PHF21A: variants seen among roughly 807,000 people sequenced by gnomAD.
PHF21A encodes the protein PHD finger protein 21A.
Under a neutral mutation model 82.5 loss-of-function variants are expected in PHF21A, and 11 were observed. The ratio of observed to expected loss-of-function variants is 0.13; its 90% CI spans 0.08 to 0.22. The LOEUF (loss-of-function observed/expected upper bound fraction) is 0.22, where lower values mean the gene tolerates loss of function less well. Ranked by LOEUF, PHF21A falls within the 10% of genes least tolerant of loss-of-function variation. The pLI is 1.00. For synonymous variants in PHF21A, 297 were observed against 302.8 expected (o/e 0.98, Z 0.20); for missense variants, 579 against 837.8 (o/e 0.69, Z 3.81).
At chr11:45,967,224 C>T (rs2093490406) in intron 9 of PHF21A, among the ~76,000 whole-genome samples, 1 of 152,094 alleles carries the variant, frequency 6.6e-6, no homozygotes, top group Non-Finnish European at 1.5e-5. Context: ...GAACATTAGC[C>T]AGGCATGGTG....
At chr11:45,963,162 G>C (rs2093214593) in intron 10 of PHF21A, among the ~76,000 whole-genome samples, 1 of 152,038 alleles carries the variant, frequency 6.6e-6, no homozygotes, top group African/African-American at 2.4e-5. Context: ...GCTCACACCT[G>C]TAATCCCACC....
intron 1 of PHF21A, among the ~76,000 whole-genome samples, chr11:46,112,397 C>A (rs147414161): frequency 6.6e-6 from 1 of 152,154 alleles, no homozygotes; most frequent in Non-Finnish European, 1.5e-5. Flanking sequence ...GTTTACTGAG[C>A]CCTTATTATG....
intron 7 of PHF21A, among the ~76,000 whole-genome samples, chr11:45,975,052 G>A (rs1451092315): frequency 6.6e-6 from 1 of 152,126 alleles, no homozygotes; most frequent in African/African-American, 2.4e-5. Flanking sequence ...AGTGGGTCAT[G>A]CCTATAATCC....
chr11:46,059,891 TGA>T (rs2096511718), intron 6 of PHF21A, among the ~76,000 whole-genome samples: 1 of 151,994 alleles, frequency 6.6e-6, no homozygotes, highest in African/African-American at 2.4e-5. Context: ...CACGCCCAGC[TGA>T]TTTTATTTAT....
intron 6 of PHF21A, among the ~76,000 whole-genome samples, chr11:46,034,152 G>A (rs2095931766): frequency 6.6e-6 from 1 of 151,978 alleles, no homozygotes; most frequent in South Asian, 2.1e-4. Context: ...GTCCACTGAT[G>A]CTTCCTATTC....
chr11:45,997,880 T>A (rs551373450), intron 6 of PHF21A, among the ~76,000 whole-genome samples: 1 of 152,250 alleles, frequency 6.6e-6, no homozygotes, highest in African/African-American at 2.4e-5. Flanking sequence ...AACTACCACT[T>A]CAATCAACTC....
chr11:45,991,983 C>G (rs902077268), intron 6 of PHF21A, among the ~76,000 whole-genome samples: 1 of 152,078 alleles, frequency 6.6e-6, no homozygotes, highest in Non-Finnish European at 1.5e-5. Context: ...GGATTATTAC[C>G]TATTGCCAGG....
chr11:46,120,324 G>A (rs1221162337), intron 1 of PHF21A: 1 of 29,290 alleles, frequency 3.4e-5, no homozygotes, highest in Admixed American at 4.2e-4. Context: ...GGGGATGGAG[G>A]AGCCCCAGCT....
At chr11:45,943,752 G>A (rs1449155167) in intron 15 of PHF21A, among the ~76,000 whole-genome samples, 1 of 152,136 alleles carries the variant, frequency 6.6e-6, no homozygotes, top group Non-Finnish European at 1.5e-5. Flanking sequence ...ATTTACAGGT[G>A]GAAAAATCTG....
chr11:46,097,392 C>G (rs988884170), intron 1 of PHF21A, among the ~76,000 whole-genome samples: 1 of 152,196 alleles, frequency 6.6e-6, no homozygotes, highest in Non-Finnish European at 1.5e-5. Context: ...ACACTGGCCT[C>G]TTTTCCGTAC....
chr11:45,958,502 T>A (rs1245557692), intron 10 of PHF21A, among the ~76,000 whole-genome samples: 4 of 137,966 alleles, frequency 2.9e-5, no homozygotes, highest in Non-Finnish European at 4.6e-5. Flanking sequence ...GGTGCGCAAC[T>A]GTAGTCCCAG....
chr11:46,008,971 C>CTTTT (rs368337006), intron 6 of PHF21A, among the ~76,000 whole-genome samples: 11 of 111,576 alleles, frequency 9.9e-5, no homozygotes, highest in Non-Finnish European at 1.2e-4. Flanking sequence ...TCACATTTCA[C>CTTTT]TTTTTTTTTT....
At chr11:45,989,986 T>C (rs971322557) in intron 6 of PHF21A, among the ~76,000 whole-genome samples, 5 of 152,082 alleles carry the variant, frequency 3.3e-5, no homozygotes, top group African/African-American at 1.2e-4. Context: ...AGTGAGACCC[T>C]GACTCAAAAA....
At chr11:46,044,512 A>G (rs2096222978) in intron 6 of PHF21A, among the ~76,000 whole-genome samples, 1 of 151,864 alleles carries the variant, frequency 6.6e-6, no homozygotes, top group Non-Finnish European at 1.5e-5. Context: ...TCAAGTAACA[A>G]CCTGTGTAAC....
intron 1 of PHF21A, among the ~76,000 whole-genome samples, chr11:46,112,157 G>C (rs1302134481): frequency 1.3e-5 from 2 of 152,034 alleles, no homozygotes; most frequent in Non-Finnish European, 2.9e-5. Flanking sequence ...AGTCCTTTTG[G>C]GGGCATACAT....
chr11:45,933,852 C>A lies in PHF21A; in HGVS notation c.*116G>T. The A allele has an allele frequency of 9.5e-7, 1 of 1,051,186 alleles. No individual in the cohort carries two copies. The highest frequency in any genetic ancestry group is 1.3e-6 in the Non-Finnish European group (1 of 747,344). The allele number at this position is 1,051,186 out of a possible 1,614,324, so 65.1% of individuals were successfully genotyped here. A position where few individuals can be genotyped will look rare whatever the true frequency, so the allele number is the denominator to read the frequency against. On this transcript the variant is annotated 3_prime_UTR_variant, in exon 19 of 19. Transcript: ENST00000676320. ...ACAAGCATCTTCTCTCTCTCTGGAA[C>A]CAAAGAACCAAAAGAATTCTGCACT...
intron 14 of PHF21A, among the ~76,000 whole-genome samples, chr11:45,947,946 G>T (rs2135430931): frequency 6.6e-6 from 1 of 152,334 alleles, no homozygotes; most frequent in East Asian, 1.9e-4. Flanking sequence ...TATCTCTTTT[G>T]TGGAGAGGGA....
At chr11:46,052,766 T>C (rs1029296257) in intron 6 of PHF21A, among the ~76,000 whole-genome samples, 13 of 152,228 alleles carry the variant, frequency 8.5e-5, no homozygotes, top group Non-Finnish European at 1.5e-4. Flanking sequence ...AGTAAGTCTT[T>C]AAATATTTTC....
chr11:45,940,393 A>G (rs1014896619), intron 15 of PHF21A, among the ~76,000 whole-genome samples: 1 of 152,100 alleles, frequency 6.6e-6, no homozygotes, highest in Non-Finnish European at 1.5e-5. Context: ...ACAGGGTTTC[A>G]CCATGTTGGT....
Sources: gnomAD v4.1 joint callset for allele counts (sites outside exome capture counted in the v4.1 genomes callset) on GRCh38, gnomAD v4.1.1 for gene constraint, MANE v1.5 for transcripts, NCBI Gene and HGNC (gene_info 2026-07-23, HGNC 2026-07-21) for gene names.